RPAP3: variants seen among roughly 807,000 people sequenced by gnomAD.
The protein encoded by RPAP3 is RNA polymerase II-associated protein 3.
RPAP3 carries 58 observed loss-of-function variants against 88.8 expected under a neutral mutation model. The ratio of observed to expected loss-of-function variants is 0.65; its 90% CI spans 0.53 to 0.81. The LOEUF is 0.81. Among genes scored for constraint, RPAP3 ranks in the 40% least tolerant of loss-of-function variants. The pLI, the probability that RPAP3 is intolerant of heterozygous loss-of-function variation, is 0.00. For missense variants in RPAP3, 751 were observed against 764.3 expected (o/e 0.98, Z 0.20); for synonymous variants, 255 against 259.9 (o/e 0.98, Z 0.18).
At chr12:47,673,479 T>C (rs1939042560) in intron 12 of RPAP3, among the ~76,000 whole-genome samples, 1 of 144,828 alleles carries the variant, frequency 6.9e-6, no homozygotes, top group South Asian at 2.2e-4. Context: ...AAGAATACAG[T>C]CATATTAAAT....
intron 12 of RPAP3, among the ~76,000 whole-genome samples, chr12:47,670,644 A>C (rs1938979538): frequency 6.6e-6 from 1 of 152,220 alleles, no homozygotes; most frequent in Non-Finnish European, 1.5e-5. Context: ...GAAGATAAAC[A>C]CTGGCATGAG....
intron 5 of RPAP3, among the ~76,000 whole-genome samples, chr12:47,693,724 C>T (rs1484379700): frequency 6.6e-6 from 1 of 151,982 alleles, no homozygotes; most frequent in African/African-American, 2.4e-5. Context: ...AACACAAGGA[C>T]TAGAAACAAA....
At chr12:47,674,381 G>A (rs553926305) in intron 12 of RPAP3, among the ~76,000 whole-genome samples, 1 of 152,314 alleles carries the variant, frequency 6.6e-6, no homozygotes, top group African/African-American at 2.4e-5. Flanking sequence ...ATGGAACTAA[G>A]CTGGACGGAG....
At chr12:47,692,151 G>C (rs898389056) in intron 5 of RPAP3, among the ~76,000 whole-genome samples, 3 of 148,194 alleles carry the variant, frequency 2.0e-5, no homozygotes, top group Non-Finnish European at 4.5e-5. Context: ...AAGGGCCCTA[G>C]GACTTTTGGA....
chr12:47,691,126 T>C (rs1323567248), intron 5 of RPAP3, among the ~76,000 whole-genome samples: 1 of 152,210 alleles, frequency 6.6e-6, no homozygotes, highest in Non-Finnish European at 1.5e-5. Flanking sequence ...TATTTGATAG[T>C]ATTTACATAA....
chr12:47,671,951 G>A (rs1248794738), intron 12 of RPAP3, among the ~76,000 whole-genome samples: 6 of 151,402 alleles, frequency 4.0e-5, no homozygotes, highest in East Asian at 1.9e-4. Context: ...ATCATGACTC[G>A]GAAGCGTAAC....
At chr12:47,693,375 G>C (rs545333119) in intron 5 of RPAP3, among the ~76,000 whole-genome samples, 4 of 152,298 alleles carry the variant, frequency 2.6e-5, no homozygotes, top group Admixed American at 2.6e-4. Context: ...TCCCTGATCA[G>C]AGATCACCAT....
At chr12:47,667,918 T>C (rs945204589) in intron 14 of RPAP3, 67 bp from the exon 15 acceptor site, 9 of 1,006,462 alleles carry the variant, frequency 8.9e-6, no homozygotes, top group Non-Finnish European at 1.3e-5. Context: ...TACACAACAA[T>C]TGCTTGGGTA....
chr12:47,674,679 G>A (rs1024569381), intron 12 of RPAP3, among the ~76,000 whole-genome samples: 12 of 151,446 alleles, frequency 7.9e-5, no homozygotes, highest in African/African-American at 2.7e-4. Context: ...GAAATAAAGC[G>A]ACAAGACAAG....
rs189054505 is a variant in RPAP3 at position 47,675,792 on chromosome 12, A to C, written c.1287+3701T>G. Among the ~76,000 whole-genome samples, 670 of 152,286 alleles carry C rather than the reference A, an allele frequency of 4.4e-3. 3 individuals are homozygous for C. The highest frequency in any genetic ancestry group is 7.5e-3 in the Non-Finnish European group (510 of 68,020). On this transcript the variant is annotated intron_variant, in intron 12 of 16. Transcript: ENST00000005386. Reference sequence around the variant, plus strand: ...GAGACTTAGACTCCCAAACAATAATAATGGGAGACTTTAACACCCCACTGT... The same window carrying C: ...GAGACTTAGACTCCCAAACAATAATCATGGGAGACTTTAACACCCCACTGT...
chr12:47,694,095 G>T (rs756246401), intron 5 of RPAP3, among the ~76,000 whole-genome samples: 11 of 152,172 alleles, frequency 7.2e-5, no homozygotes, highest in Non-Finnish European at 1.3e-4. Context: ...AAGTTATATT[G>T]ATGAGTAAAA....
intron 6 of RPAP3, 74 bp downstream of exon 6, chr12:47,690,444 T>C (rs1010730550): frequency 8.2e-7 from 1 of 1,219,478 alleles, no homozygotes; most frequent in Non-Finnish European, 1.1e-6. Flanking sequence ...TAACTGTGAT[T>C]ACTCAGTATT....
chr12:47,700,807 C>A (rs1939640239), intron 3 of RPAP3, among the ~76,000 whole-genome samples: 1 of 152,314 alleles, frequency 6.6e-6, no homozygotes, highest in South Asian at 2.1e-4. Flanking sequence ...CGTCACACAG[C>A]CCCAGTCCTA....
intron 6 of RPAP3, among the ~76,000 whole-genome samples, chr12:47,689,650 C>CTT (rs1939390909): frequency 6.9e-6 from 1 of 144,146 alleles, no homozygotes; most frequent in Admixed American, 7.7e-5. Flanking sequence ...AGCCACTGAA[C>CTT]TTTCTTCTTC....
intron 12 of RPAP3, among the ~76,000 whole-genome samples, chr12:47,676,497 T>C (rs1939119179): frequency 6.6e-6 from 1 of 152,094 alleles, no homozygotes; most frequent in South Asian, 2.1e-4. Flanking sequence ...GATAGACCAC[T>C]AGCAAGACTA....
intron 13 of RPAP3, 106 bp downstream of exon 13, chr12:47,670,001 C>T: frequency 1.4e-6 from 1 of 728,868 alleles, no homozygotes; most frequent in South Asian, 2.0e-5. Context: ...TTAGGCAGTT[C>T]AAAAAATTAG....
rs958058854 is a variant in RPAP3 at position 47,662,087 on chromosome 12, T to C, written c.*1418A>G. ...CCTTCTTATGTGTCCTTACATGGTG[T>C]AATTGGTGAACAAGCTCTCTGGGGC... On this transcript the variant is annotated 3_prime_UTR_variant, in exon 17 of 17. Transcript: ENST00000005386. The C allele has an allele frequency of 2.6e-5, 4 of 152,208 alleles. No individual in the cohort carries two copies. Among genetic ancestry groups the C allele is most frequent in the African/African-American group, 9.7e-5 (4 of 41,448 alleles). 9.4% of individuals were successfully genotyped at this position (152,208 alleles called of 1,614,324 possible).
chr12:47,697,651 C>T lies in RPAP3; in HGVS notation c.363G>A (p.Ser121=), dbSNP rs753001585. 25 of 1,610,564 alleles carry T rather than the reference C, an allele frequency of 1.6e-5. 1 individual carries two copies. In the Middle Eastern group the frequency reaches 5.0e-4, roughly 32 times the overall value. The change falls in exon 4 of 17, where the codon TCG becomes TCA. Residue 121 remains serine, a synonymous_variant. Transcript: ENST00000005386. ...AATCTACATGAATCCCATCTTCTTCCGACTCTGATTCTTGAGACAGAGACT... is the reference window on the plus strand; with the variant it reads ...AATCTACATGAATCCCATCTTCTTCTGACTCTGATTCTTGAGACAGAGACT... ...THESLSQESE[S]EEDGIHVDSQ...
Position 47,696,291 on chromosome 12 carries a change from T to C in RPAP3, c.530A>G (p.Tyr177Cys). The C allele has an allele frequency of 1.3e-6, 2 of 1,560,756 alleles. No homozygotes were observed. The highest frequency in any genetic ancestry group is 1.7e-6 in the Non-Finnish European group (2 of 1,153,120). The change falls in exon 5 of 17, where the codon TAT (tyrosine) becomes TGT (cysteine). Residue 177 changes from tyrosine to cysteine, a missense_variant. Physicochemically the swap from Tyr to Cys is radical, Grantham distance 194. Transcript: ENST00000005386. ...PVLPTNRASA[Y>C]FRLKKFAVAE... is the part of the protein sequence containing the mutation. ...AAGTCCTTACTTTTTCAGTCTAAAA[T>C]ATGCTGACGCTCTGTTCGTTGGCAA...
Sources: gnomAD v4.1 joint callset for allele counts (sites outside exome capture counted in the v4.1 genomes callset) on GRCh38, gnomAD v4.1.1 for gene constraint, MANE v1.5 for transcripts, NCBI Gene and HGNC (gene_info 2026-07-23, HGNC 2026-07-21) for gene names.